Variants in SMIM21 observed in about 807,000 individuals in gnomAD.
SMIM21 encodes the protein chromosome 18 open reading frame 62.
SMIM21 carries 8 observed loss-of-function variants against 8.6 expected under a neutral mutation model. The ratio of observed to expected loss-of-function variants is 0.93; its 90% CI spans 0.55 to 1.68. SMIM21 has a LOEUF of 1.68. SMIM21 is among the 40% of genes most tolerant of loss of function. SMIM21 has a pLI of 0.00. For synonymous variants in SMIM21, 43 were observed against 41.7 expected (o/e 1.03, Z -0.12); for missense variants, 132 against 123.0 (o/e 1.07, Z -0.35).
chr18:75,413,015 G>A (rs376513364), intron 2 of SMIM21, among the ~76,000 whole-genome samples: 6 of 151,992 alleles, frequency 3.9e-5, no homozygotes, highest in Non-Finnish European at 8.8e-5. Context: ...CAAATGCATC[G>A]TCTCCTCTTC....
At chr18:75,421,758 G>A (rs1004231458) in intron 1 of SMIM21, among the ~76,000 whole-genome samples, 3 of 152,158 alleles carry the variant, frequency 2.0e-5, no homozygotes, top group Non-Finnish European at 4.4e-5. Flanking sequence ...AATTGTGAGA[G>A]GAGTGGAACT....
In SMIM21 at chr18:75,410,576, C is replaced by T. The variant is rs1396108646; in HGVS notation, c.*288G>A. ...TGTCCTAATGAAGAAGTTCTTTGCACTGCTGGATCTGTTTCGACACGCAGG... is the reference window on the plus strand; with the variant it reads ...TGTCCTAATGAAGAAGTTCTTTGCATTGCTGGATCTGTTTCGACACGCAGG... On this transcript the variant is annotated 3_prime_UTR_variant, in exon 3 of 3. Transcript: ENST00000579022. The T allele has an allele frequency of 5.6e-6, 3 of 535,664 alleles. No homozygotes were observed. In the South Asian group the frequency reaches 1.2e-4, roughly 21 times the overall value. 33.2% of individuals were successfully genotyped at this position (535,664 alleles called of 1,614,324 possible).
rs971153348 is a variant in SMIM21 at position 75,419,082 on chromosome 18, G to A, written c.130-166C>T. Reference sequence around the variant, plus strand: ...TAAAACCAGAACTGTGGTTTTTATTGAGTTATAAAATTAGTTGGGGAAAAG... The same window carrying A: ...TAAAACCAGAACTGTGGTTTTTATTAAGTTATAAAATTAGTTGGGGAAAAG... On this transcript the variant is annotated intron_variant, in intron 1 of 2. Transcript: ENST00000579022. 3.2e-5 allele frequency: 15 copies of A among 463,048 alleles called. No homozygotes were observed. The South Asian group carries it at 3.8e-4, about 12-fold the overall frequency. 28.7% of individuals were successfully genotyped at this position (463,048 alleles called of 1,614,324 possible). A position where few individuals can be genotyped will look rare whatever the true frequency, so the allele number is the denominator to read the frequency against.
At chr18:75,422,916 C>G (rs73485999) in intron 1 of SMIM21, among the ~76,000 whole-genome samples, 2,017 of 152,290 alleles carry the variant, frequency 0.013, 45 homozygotes, top group African/African-American at 0.045. Context: ...TTAAAAACCA[C>G]TGAATTGGAC....
At chr18:75,417,975 A>C (rs2024666140) in intron 2 of SMIM21, 1 of 375,252 alleles carries the variant, frequency 2.7e-6, no homozygotes. Flanking sequence ...ATTTGGTAGT[A>C]AGCTTTTTAT....
chr18:75,424,949 C>A (rs1298325050), intron 1 of SMIM21, among the ~76,000 whole-genome samples: 1 of 152,226 alleles, frequency 6.6e-6, no homozygotes, highest in South Asian at 2.1e-4. Flanking sequence ...ACACTCCTCA[C>A]GCTGTTGTGG....
chr18:75,419,838 T>C (rs1256922591), intron 1 of SMIM21, among the ~76,000 whole-genome samples: 2 of 152,208 alleles, frequency 1.3e-5, no homozygotes, highest in African/African-American at 4.8e-5. Flanking sequence ...TTTCTGTGGC[T>C]GGTGGCTCTC....
At chr18:75,414,131 A>ACT (rs2024617514) in intron 2 of SMIM21, among the ~76,000 whole-genome samples, 1 of 151,114 alleles carries the variant, frequency 6.6e-6, no homozygotes. Context: ...ATACACACAC[A>ACT]CACACACACA....
intron 2 of SMIM21, among the ~76,000 whole-genome samples, chr18:75,412,835 A>G (rs1405684248): frequency 6.6e-6 from 1 of 152,044 alleles, no homozygotes; most frequent in African/African-American, 2.4e-5. Flanking sequence ...GATTTCTGTG[A>G]TCAGTATCCG....
chr18:75,415,749 A>T (rs1188872892), intron 2 of SMIM21, among the ~76,000 whole-genome samples: 1 of 152,164 alleles, frequency 6.6e-6, no homozygotes, highest in Admixed American at 6.5e-5. Context: ...AACTTTATTC[A>T]CTTGAGGTAG....
At chr18:75,421,896 C>T (rs908546237) in intron 1 of SMIM21, among the ~76,000 whole-genome samples, 1 of 152,178 alleles carries the variant, frequency 6.6e-6, no homozygotes, top group African/African-American at 2.4e-5. Context: ...CCCCATTGCA[C>T]ATAATACTAA....
rs187218871 is a variant in SMIM21, at chr18:75,409,955, G to A, written c.*909C>T. The A allele has an allele frequency of 2.3e-4, 35 of 152,814 alleles. No homozygotes were observed. The highest frequency in any genetic ancestry group is 7.7e-4 in the African/African-American group (32 of 41,588). The allele number at this position is 152,814 out of a possible 1,614,324, so 9.5% of individuals were successfully genotyped here. A position where few individuals can be genotyped will look rare whatever the true frequency, so the allele number is the denominator to read the frequency against. On this transcript the variant is annotated 3_prime_UTR_variant, in exon 3 of 3. Coordinates refer to ENST00000579022, the MANE Select transcript of SMIM21 (RefSeq NM_001037331.3). ...GATAGAGCAGGGCTCACCTCGTCAA[G>A]GACTTTGCAGCCGCCTTAACTTTGA... is the stretch of plus-strand genomic sequence containing the variant.
In SMIM21 at chr18:75,409,628, AAGAC is replaced by A. The variant is rs1174930851; in HGVS notation, c.*1232_*1235del. 6.6e-6 allele frequency: 1 copy of A among 152,132 alleles called. No individual in the cohort carries two copies. Among genetic ancestry groups the A allele is most frequent in the Non-Finnish European group, 1.5e-5 (1 of 68,168 alleles). The allele number at this position is 152,132 out of a possible 1,614,324, so 9.4% of individuals were successfully genotyped here. On this transcript the variant is annotated 3_prime_UTR_variant, in exon 3 of 3. Transcript: ENST00000579022. ...ACATGAATGTGGGAGATGAAAGACA[AAGAC>A]AGACTGTTCCATCGGTGACAAGAAC...
At chr18:75,417,791 A>G (rs2024664161) in intron 2 of SMIM21, 1 of 159,138 alleles carries the variant, frequency 6.3e-6, no homozygotes. Context: ...CAAAGAGAAT[A>G]TATAATGTTC....
chr18:75,424,245 G>A (rs1051527573), intron 1 of SMIM21, among the ~76,000 whole-genome samples: 1 of 152,190 alleles, frequency 6.6e-6, no homozygotes, highest in Non-Finnish European at 1.5e-5. Flanking sequence ...TTCTTATTTA[G>A]TGACTACATT....
chr18:75,425,162 C>T (rs727894), intron 1 of SMIM21, among the ~76,000 whole-genome samples: 47,716 of 152,092 alleles, frequency 0.31, 8,325 homozygotes, highest in Middle Eastern at 0.45. Context: ...TTTGGATTTT[C>T]GTCGTCTGTG....
chr18:75,426,291 A>ATTTG lies in SMIM21; in HGVS notation c.129+1140_129+1143dup, dbSNP rs199926696. ...TTAAGACCATTACTTTTATTTATTT[A>ATTTG]TTTGTTTGTTTGTTTGTTTGTTTGT... On this transcript the variant is annotated intron_variant, in intron 1 of 2. Transcript: ENST00000579022. Among the ~76,000 whole-genome samples the ATTTG allele has an allele frequency of 1.4e-3, 158 of 111,958 alleles. 1 individual carries two copies. The highest frequency in any genetic ancestry group is 3.2e-3 in the South Asian group (12 of 3,758). The allele number at this position is 111,958 out of a possible 152,430, so 73.4% of individuals were successfully genotyped here. A position where few individuals can be genotyped will look rare whatever the true frequency, so the allele number is the denominator to read the frequency against.
chr18:75,418,294 C>G (rs2024669962), intron 2 of SMIM21: 1 of 396,210 alleles, frequency 2.5e-6, no homozygotes, highest in Non-Finnish European at 4.4e-6. Flanking sequence ...ACACAGAGAC[C>G]TTAACTAAGC....
Position 75,409,499 on chromosome 18 carries a change from G to T in SMIM21, c.*1365C>A, listed in dbSNP as rs2024559753. On this transcript the variant is annotated 3_prime_UTR_variant, in exon 3 of 3. Transcript: ENST00000579022. ...ATGGCTTCCAAGAACTTAATTCAAAGAATTGTAACAGGTCCCCTTCCATAA... is the reference window on the plus strand; with the variant it reads ...ATGGCTTCCAAGAACTTAATTCAAATAATTGTAACAGGTCCCCTTCCATAA... 6.6e-6 allele frequency: 1 copy of T among 152,214 alleles called. No individual in the cohort carries two copies. Among genetic ancestry groups the T allele is most frequent in the South Asian group, 2.1e-4 (1 of 4,828 alleles). The allele number at this position is 152,214 out of a possible 1,614,324, so 9.4% of individuals were successfully genotyped here.
Sources: allele counts gnomAD v4.1 joint callset (sites outside exome capture counted in the v4.1 genomes callset), GRCh38; gene constraint gnomAD v4.1.1; transcripts MANE v1.5; gene names NCBI Gene and HGNC (gene_info 2026-07-23, HGNC 2026-07-21).